The following DYNC2I1 variants were observed in gnomAD, a reference collection of about 807,000 sequenced individuals.
The protein encoded by DYNC2I1 is dynein 2 intermediate chain 1, also known as cytoplasmic dynein 2 intermediate chain 1.
DYNC2I1 carries 89 observed loss-of-function variants against 133.4 expected under a neutral mutation model. That is an observed-to-expected ratio of 0.67 (90% CI 0.56 to 0.80). The LOEUF is 0.80. DYNC2I1 is among the 30% of genes least tolerant of loss of function. The probability of loss-of-function intolerance (pLI) is 0.00; values close to 1 mark genes in which losing one functional copy is unlikely to be tolerated. For synonymous variants in DYNC2I1, 504 were observed against 484.3 expected (o/e 1.04, Z -0.54); for missense variants, 1,291 against 1,314.5 (o/e 0.98, Z 0.28).
intron 11 of DYNC2I1, among the ~76,000 whole-genome samples, chr7:158,909,535 G>T (rs1224960367): frequency 6.6e-6 from 1 of 152,084 alleles, no homozygotes; most frequent in Admixed American, 6.6e-5. Flanking sequence ...TCTTACAAAA[G>T]AATATGTACA....
intron 23 of DYNC2I1, among the ~76,000 whole-genome samples, chr7:158,940,149 C>T (rs1851195549): frequency 6.6e-6 from 1 of 152,216 alleles, no homozygotes; most frequent in African/African-American, 2.4e-5. Context: ...TGGTCCCCAA[C>T]CTTTTTGGCA....
chr7:158,933,269 G>A (rs777078852), intron 21 of DYNC2I1, among the ~76,000 whole-genome samples: 1 of 152,158 alleles, frequency 6.6e-6, no homozygotes, highest in Non-Finnish European at 1.5e-5. Context: ...AAAAGGAAAG[G>A]AAAATCTCTA....
At chr7:158,870,182 G>A (rs943883857) in intron 2 of DYNC2I1, among the ~76,000 whole-genome samples, 7 of 152,172 alleles carry the variant, frequency 4.6e-5, no homozygotes, top group East Asian at 1.9e-4. Flanking sequence ...GGGCCGCAGC[G>A]GTGGGTGGGG....
rs766711535 is a variant in DYNC2I1, at chr7:158,926,476, C to A, written c.2433+13C>A. 15 of 1,611,290 alleles carry A rather than the reference C, an allele frequency of 9.3e-6. No individual in the cohort carries two copies. In the South Asian group the frequency reaches 1.7e-4, roughly 18 times the overall value. The stretch of plus-strand genomic sequence containing the variant: ...TCTCAATGTATGGGTGAGTAGTGGC[C>A]CAGGCCGGGCACATGCGGGGCCTGA... On this transcript the variant is annotated intron_variant, in intron 19 of 24. Transcript: ENST00000407559.
chr7:158,900,807 A>T (rs1366324159), intron 8 of DYNC2I1, among the ~76,000 whole-genome samples: 1 of 142,428 alleles, frequency 7.0e-6, no homozygotes, highest in Non-Finnish European at 1.5e-5. Flanking sequence ...TTGAGGTATC[A>T]TCAAGCACAG....
intron 14 of DYNC2I1, among the ~76,000 whole-genome samples, chr7:158,915,738 CATT>C (rs1563162912): frequency 9.6e-6 from 1 of 104,460 alleles, no homozygotes; most frequent in Non-Finnish European, 2.1e-5. Context: ...CGCTGGTTGA[CATT>C]AAGGATGATT....
chr7:158,888,003 T>G (rs1032536781), intron 7 of DYNC2I1, among the ~76,000 whole-genome samples: 1 of 151,136 alleles, frequency 6.6e-6, no homozygotes, highest in African/African-American at 2.4e-5. Flanking sequence ...GTTAGGGTTA[T>G]TATCAAACCA....
chr7:158,877,809 C>T (rs1042537588), intron 4 of DYNC2I1, among the ~76,000 whole-genome samples: 2 of 152,164 alleles, frequency 1.3e-5, no homozygotes, highest in African/African-American at 2.4e-5. Flanking sequence ...TCTCCATCTG[C>T]GTGGGACTAA....
intron 14 of DYNC2I1, 94 bp from the exon 15 acceptor site, chr7:158,918,646 T>G: frequency 6.9e-7 from 1 of 1,445,082 alleles, no homozygotes; most frequent in Non-Finnish European, 9.6e-7. Context: ...AGCAGTTATT[T>G]GCAGATATGG....
chr7:158,881,488 C>T (rs577347152), intron 5 of DYNC2I1, among the ~76,000 whole-genome samples: 32 of 152,240 alleles, frequency 2.1e-4, no homozygotes, highest in Admixed American at 3.9e-4. Flanking sequence ...GAGTCTCGCT[C>T]TGTCGCCCAG....
At chr7:158,851,522 C>CA in the DYNC2I1 span, among the ~76,000 whole-genome samples, 50 of 149,820 alleles carry the variant, frequency 3.3e-4, 2 homozygotes, top group Admixed American at 5.3e-4. Context: ...AACTCTGTCT[C>CA]AAAAAAAAAG....
chr7:158,860,180 C>A (rs983816236), intron 1 of DYNC2I1, among the ~76,000 whole-genome samples: 1 of 151,924 alleles, frequency 6.6e-6, no homozygotes, highest in Non-Finnish European at 1.5e-5. Flanking sequence ...CTCAGCCTCG[C>A]AAGTAGCTGA....
chr7:158,890,901 C>A (rs909004781), intron 7 of DYNC2I1, among the ~76,000 whole-genome samples: 1 of 152,190 alleles, frequency 6.6e-6, no homozygotes, highest in African/African-American at 2.4e-5. Context: ...GTGCATAGAT[C>A]TTCCTAGTGT....
intron 7 of DYNC2I1, among the ~76,000 whole-genome samples, chr7:158,889,208 G>A (rs919820137): frequency 2.0e-5 from 3 of 151,798 alleles, no homozygotes; most frequent in Non-Finnish European, 2.9e-5. Flanking sequence ...AGCCTCCTGA[G>A]TAGCTGGGAC....
In DYNC2I1 at chr7:158,914,285, T is replaced by C. The variant is rs372205758; in HGVS notation, c.1755T>C (p.Thr585=). ...CTGTAGTTATGCCAAAGATTGATAC[T>C]CCAAGGTTATGTAGCTTTCTGCGGG... ...SDAVVMPKID[T]PRLCSFLRAA... The change falls in exon 14 of 25, where the codon ACT becomes ACC. Residue 585 remains threonine, a synonymous_variant. Coordinates refer to ENST00000407559, the MANE Select transcript of DYNC2I1 (RefSeq NM_018051.5). 108 of 1,612,954 alleles carry C rather than the reference T, an allele frequency of 6.7e-5. No individual in the cohort carries two copies. In the African/African-American group the frequency reaches 1.3e-3, roughly 19 times the overall value.
At chr7:158,845,306 TA>T in the DYNC2I1 span, among the ~76,000 whole-genome samples, 1 of 152,190 alleles carries the variant, frequency 6.6e-6, no homozygotes, top group African/African-American at 2.4e-5. Flanking sequence ...AGAGTACTCA[TA>T]AATTAAATAG....
chr7:158,929,902 G>A (rs1230195027), intron 20 of DYNC2I1, among the ~76,000 whole-genome samples: 17 of 152,184 alleles, frequency 1.1e-4, no homozygotes, highest in Admixed American at 2.0e-4. Flanking sequence ...CCTCAGAGCC[G>A]TGGCTCTGTG....
At chr7:158,951,071 TGTCA>T (rs1301537235), downstream of DYNC2I1, among the ~76,000 whole-genome samples, 1 of 152,238 alleles carries the variant, frequency 6.6e-6, no homozygotes, top group Non-Finnish European at 1.5e-5. Context: ...GCCTTTAATG[TGTCA>T]GTCATAGTTA....
In DYNC2I1 at chr7:158,871,378, A is replaced by G; in HGVS notation, c.306A>G (p.Glu102=). ...RRRDAKDREK[E]KLKEKHREAE... ...GAGACGCAAAAGACCGGGAGAAAGAAAAGCTGAAGGAGAAACATCGAGAGG... is the reference window on the plus strand; with the variant it reads ...GAGACGCAAAAGACCGGGAGAAAGAGAAGCTGAAGGAGAAACATCGAGAGG... The change falls in exon 3 of 25, where the codon GAA becomes GAG. Residue 102 remains glutamate, a synonymous_variant. Transcript: ENST00000407559. 1 of 1,547,440 alleles carries G rather than the reference A, an allele frequency of 6.5e-7. No individual in the cohort carries two copies. The highest frequency in any genetic ancestry group is 8.7e-7 in the Non-Finnish European group (1 of 1,144,438).
Sources: allele counts gnomAD v4.1 joint callset (sites outside exome capture counted in the v4.1 genomes callset), GRCh38; gene constraint gnomAD v4.1.1; transcripts MANE v1.5; gene names NCBI Gene and HGNC (gene_info 2026-07-23, HGNC 2026-07-21).